Variants in MACF1 observed in about 807,000 individuals in gnomAD.
MACF1 encodes the protein microtubule-actin cross-linking factor 1.
A neutral mutation model predicts 854.8 loss-of-function variants in MACF1; 193 were observed. That is an observed-to-expected ratio of 0.23 (90% CI 0.20 to 0.25). The LOEUF (loss-of-function observed/expected upper bound fraction) is 0.25. MACF1 is among the 10% of genes least tolerant of loss of function. MACF1 has a pLI of 1.00. For missense variants in MACF1, 7,722 were observed against 8,929.1 expected, an observed-to-expected ratio of 0.86 and a Z score of 5.45; for synonymous variants, 3,185 against 3,226.7, an observed-to-expected ratio of 0.99 and a Z score of 0.44.
chr1:39,301,276 G>A (rs1244384426), intron 22 of MACF1, among the ~76,000 whole-genome samples: 5 of 151,726 alleles, frequency 3.3e-5, no homozygotes, highest in African/African-American at 7.3e-5. Flanking sequence ...ACATGTGCCC[G>A]CCACCATGCC....
rs528492236 is a variant in MACF1, at chr1:39,429,798, T to A, written c.16889-29T>A. 2.5e-5 allele frequency: 40 copies of A among 1,609,708 alleles called. No homozygotes were observed. In the South Asian group the frequency reaches 4.2e-4, roughly 17 times the overall value. On this transcript the variant is annotated intron_variant, in intron 64 of 100. Transcript: ENST00000564288. Reference sequence around the variant, plus strand: ...ACTCCTCATTCCTAGGTCTCTTAAATATGAGTAATTGTGTGCTATCTTCCA... The same window carrying A: ...ACTCCTCATTCCTAGGTCTCTTAAAAATGAGTAATTGTGTGCTATCTTCCA...
chr1:39,104,158 C>T (rs899120710), intron 2 of MACF1, among the ~76,000 whole-genome samples: 4 of 152,172 alleles, frequency 2.6e-5, no homozygotes, highest in Non-Finnish European at 4.4e-5. Context: ...AACCACCTCT[C>T]CAGACCTCCT....
At chr1:39,103,118 G>T in intron 2 of MACF1, 1 of 513,262 alleles carries the variant, frequency 1.9e-6, no homozygotes, top group South Asian at 2.0e-5. Context: ...TAAAGCAGAA[G>T]TTTCTTCTTT....
intron 89 of MACF1, among the ~76,000 whole-genome samples, chr1:39,455,885 C>A (rs142890485): frequency 1.1e-3 from 167 of 152,260 alleles, no homozygotes; most frequent in African/African-American, 3.8e-3. Flanking sequence ...TGAATTCAAG[C>A]GTGAATGTTG....
rs144717577 is a variant in MACF1, at chr1:39,224,685, T to C, written c.110-6497T>C. 1.4e-3 allele frequency among the ~76,000 whole-genome samples: 207 copies of C among 152,218 alleles called. 2 individuals are homozygous for C. Among genetic ancestry groups the C allele is most frequent in the African/African-American group, 4.6e-3 (193 of 41,534 alleles). On this transcript the variant is annotated intron_variant, in intron 1 of 100. Coordinates refer to ENST00000564288, the MANE Select transcript of MACF1 (RefSeq NM_001394062.1). Reference sequence around the variant, plus strand: ...GAGAGAGAGAGAGCAGTTGAAGATATACAGACTAGGGAGTATTGTTGGATT... The same window carrying C: ...GAGAGAGAGAGAGCAGTTGAAGATACACAGACTAGGGAGTATTGTTGGATT...
At chr1:39,169,444 A>T (rs1049214601) in intron 2 of MACF1, among the ~76,000 whole-genome samples, 1 of 150,998 alleles carries the variant, frequency 6.6e-6, no homozygotes, top group Non-Finnish European at 1.5e-5. Flanking sequence ...AGAAAAAAAC[A>T]TTTTTTTTTA....
chr1:39,333,007 A>G lies in MACF1; in HGVS notation c.6419A>G (p.Glu2140Gly), dbSNP rs1646753139. The change falls in exon 37 of 101, where the codon GAA becomes GGA. Residue 2140 changes from glutamate (E) to glycine (G), a missense_variant. By Grantham distance (98) the Glu-to-Gly change is moderately conservative. This residue lies in a region of MACF1 where 1,531 missense variants were observed against 1,601.6 expected (regional missense o/e 0.96). Transcript: ENST00000564288. ...CTGACCATACCTCCTGCTGAGGCGGAAGGTGTGCCGTTGGTGGTTGACAAA... is the reference window on the plus strand; with the variant it reads ...CTGACCATACCTCCTGCTGAGGCGGGAGGTGTGCCGTTGGTGGTTGACAAA... ...HLLTIPPAEAEGVPLVVDKDV... is the reference protein window; with the variant it reads ...HLLTIPPAEAGGVPLVVDKDV... 6.2e-7 allele frequency: 1 copy of G among 1,614,096 alleles called. No homozygotes were observed. The highest frequency in any genetic ancestry group is 8.5e-7 in the Non-Finnish European group (1 of 1,180,012).
In MACF1 at chr1:39,458,365, A is replaced by G. The variant is rs1278017078; in HGVS notation, c.21076-5A>G. 6.2e-7 allele frequency: 1 copy of G among 1,610,706 alleles called. No homozygotes were observed. The highest frequency in any genetic ancestry group is 2.2e-5 in the East Asian group (1 of 44,858). On this transcript the variant is annotated splice_region_variant and splice_polypyrimidine_tract_variant and intron_variant, in intron 89 of 100. Coordinates refer to ENST00000564288, the MANE Select transcript of MACF1 (RefSeq NM_001394062.1). ...ACTCTTTTTCCTATTTTTTGTGTTT[A>G]ACAGACATTTATGGAGGAGATGACT...
At chr1:39,318,810 T>G (rs904193441) in intron 30 of MACF1, among the ~76,000 whole-genome samples, 195 bp downstream of exon 30, 3 of 152,192 alleles carry the variant, frequency 2.0e-5, no homozygotes, top group African/African-American at 7.2e-5. Context: ...TAAGGTACCT[T>G]CAGTTCTGAG....
At chr1:39,242,849 A>G (rs560808251) in intron 2 of MACF1, among the ~76,000 whole-genome samples, 12 of 152,096 alleles carry the variant, frequency 7.9e-5, no homozygotes, top group African/African-American at 2.9e-4. Flanking sequence ...GTTTGAGACC[A>G]GCCTGGGTAA....
Position 39,409,317 on chromosome 1 carries a change from C to A in MACF1, c.15817-13057C>A, listed in dbSNP as rs1242237946. On this transcript the variant is annotated intron_variant, in intron 58 of 100. Coordinates refer to ENST00000564288, the MANE Select transcript of MACF1 (RefSeq NM_001394062.1). This position sits in a 1 kb window ranked among gnomAD's most constrained non-coding sequence, Gnocchi z 4.2. The stretch of plus-strand genomic sequence containing the variant: ...CGGGCCGGGGACTGGCGGCGGCGGG[C>A]GAGGCGGCGCCCACAGCACTCGGGA... Among the ~76,000 whole-genome samples the A allele has an allele frequency of 6.6e-6, 1 of 152,072 alleles. No individual in the cohort carries two copies. The highest frequency in any genetic ancestry group is 1.5e-5 in the Non-Finnish European group (1 of 67,982).
chr1:39,188,936 C>T (rs564382713), intron 2 of MACF1, among the ~76,000 whole-genome samples: 2 of 152,276 alleles, frequency 1.3e-5, no homozygotes, highest in Admixed American at 1.3e-4. Context: ...CGGGGTTTCA[C>T]CATGTTGGCC....
At position 39,322,641 on chromosome 1, in the gene MACF1, T is replaced by G; in HGVS notation, c.4063T>G (p.Phe1355Val). Residue 1355 changes from phenylalanine (F) to valine (V), a missense_variant, in exon 32 of 101, where the codon TTT (phenylalanine) becomes GTT (valine). By Grantham distance (50) the Phe-to-Val change is conservative (BLOSUM62 -1). This residue lies in a region of MACF1 where 1,137 missense variants were observed against 1,263.0 expected (regional missense o/e 0.90). Coordinates refer to ENST00000564288, the MANE Select transcript of MACF1 (RefSeq NM_001394062.1). ...YELQLMTYKA[F>V]VESQQKSPGK... ...ATTGCAACTGATGACATACAAGGCCTTTGTGGAATCGCAGCAGAAATCCCC... is the reference window on the plus strand; with the variant it reads ...ATTGCAACTGATGACATACAAGGCCGTTGTGGAATCGCAGCAGAAATCCCC... 6.2e-7 allele frequency: 1 copy of G among 1,614,116 alleles called. No individual in the cohort carries two copies. The highest frequency in any genetic ancestry group is 8.5e-7 in the Non-Finnish European group (1 of 1,179,988).
At chr1:39,309,369 A>AT (rs1646253841) in intron 23 of MACF1, among the ~76,000 whole-genome samples, 1 of 151,880 alleles carries the variant, frequency 6.6e-6, no homozygotes, top group Non-Finnish European at 1.5e-5. Flanking sequence ...AAGTTCTGTG[A>AT]TTACAGGCAT....
rs369814070 is a variant in MACF1, at chr1:39,444,727, C to T, written c.19497C>T (p.Leu6499=). 2.5e-6 allele frequency: 4 copies of T among 1,614,198 alleles called. No homozygotes were observed. Among genetic ancestry groups the T allele is most frequent in the Admixed American group, 1.7e-5 (1 of 60,020 alleles). ...TYNQLLDKGR[L]MLLSRDDSGS... Reference sequence around the variant, plus strand: ...ATCAACTACTTGACAAGGGCAGACTCATGCTTCTAAGCCGTGACGACTCTG... The same window carrying T: ...ATCAACTACTTGACAAGGGCAGACTTATGCTTCTAAGCCGTGACGACTCTG... Residue 6499 remains leucine (L), a synonymous_variant, in exon 80 of 101, where the codon CTC becomes CTT. Coordinates refer to ENST00000564288, the MANE Select transcript of MACF1 (RefSeq NM_001394062.1).
intron 15 of MACF1, among the ~76,000 whole-genome samples, chr1:39,289,661 T>A (rs933563210): frequency 6.9e-6 from 1 of 145,204 alleles, no homozygotes; most frequent in African/African-American, 2.5e-5. Context: ...ATAAGTAGTT[T>A]GCAAACATTT....
At chr1:39,285,821 AG>A in intron 14 of MACF1, 63 bp downstream of exon 14, 1 of 1,570,658 alleles carries the variant, frequency 6.4e-7, no homozygotes, top group Non-Finnish European at 8.7e-7. Context: ...ATGGATCAAG[AG>A]TAGAGCAAGA....
Position 39,335,053 on chromosome 1 carries a change from C to A in MACF1, c.8465C>A (p.Ala2822Glu). The change falls in exon 37 of 101, where the codon GCA (alanine) becomes GAA (glutamate). Residue 2822 changes from alanine to glutamate, a missense_variant. Physicochemically the swap from Ala to Glu is moderately radical, Grantham distance 107. This residue lies in a region of MACF1 where 1,531 missense variants were observed against 1,601.6 expected (regional missense o/e 0.96). Transcript: ENST00000564288. ...TTATTTCAAGTTGAAAATCAGTCTG[C>A]ACAAGAAAAGGTTAAAGTGAGAGTT... is the stretch of plus-strand genomic sequence containing the variant. ...ERLFQVENQS[A>E]QEKVKVRVSD... 1 of 1,613,874 alleles carries A rather than the reference C, an allele frequency of 6.2e-7. No homozygotes were observed. The highest frequency in any genetic ancestry group is 8.5e-7 in the Non-Finnish European group (1 of 1,179,932).
At chr1:39,318,662 T>A (rs569777380) in intron 30 of MACF1, 47 bp downstream of exon 30, 1 of 1,510,056 alleles carries the variant, frequency 6.6e-7, no homozygotes, top group East Asian at 2.3e-5. Context: ...AATTTAAATT[T>A]TCTTTATCAT....
Sources: allele counts gnomAD v4.1 joint callset (sites outside exome capture counted in the v4.1 genomes callset), GRCh38; gene constraint gnomAD v4.1.1; regional missense constraint gnomAD v4.1.1; non-coding constraint Gnocchi (gnomAD v3.1); transcripts MANE v1.5; gene names NCBI Gene and HGNC (gene_info 2026-07-23, HGNC 2026-07-21).